AMN1: variants seen among roughly 807,000 people sequenced by gnomAD.
AMN1 encodes protein AMN1 homolog.
In AMN1, 20 loss-of-function variants were observed where a neutral mutation model predicts 33.0. The ratio of observed to expected loss-of-function variants is 0.61; its 90% CI spans 0.43 to 0.88. The LOEUF is 0.88. AMN1 is among the 40% of genes least tolerant of loss of function. The probability of loss-of-function intolerance (pLI) is 0.00; values close to 1 mark genes in which losing one functional copy is unlikely to be tolerated. For synonymous variants in AMN1, 114 were observed against 111.9 expected (o/e 1.02, Z -0.12); for missense variants, 246 against 307.4 (o/e 0.80, Z 1.49).
chr12:31,717,664 C>G (rs1312350422), intron 1 of AMN1, among the ~76,000 whole-genome samples: 2 of 152,072 alleles, frequency 1.3e-5, no homozygotes, highest in Admixed American at 6.6e-5. Flanking sequence ...GAGGCAGTAT[C>G]AGAAACTGGG....
At position 31,709,319 on chromosome 12, in the gene AMN1, G is replaced by C. The variant is rs749400512; in HGVS notation, c.145C>G (p.Gln49Glu). 6.2e-7 allele frequency: 1 copy of C among 1,613,472 alleles called. No homozygotes were observed. Among genetic ancestry groups the C allele is most frequent in the Non-Finnish European group, 8.5e-7 (1 of 1,179,676 alleles). The change falls in exon 2 of 7, where the codon CAG (glutamine) becomes GAG (glutamate). Residue 49 changes from glutamine to glutamate, a missense_variant. Gln to Glu is a conservative substitution (Grantham distance 29). Coordinates refer to ENST00000281471, the MANE Select transcript of AMN1 (RefSeq NM_001113402.2). ...TCACTTATATTTGAATCTGTTATCT[G>C]TCCCTGCATACTCATTATTTTAATC... ...RLIKIMSMQG[Q>E]ITDSNISEIL...
At chr12:31,717,879 A>G (rs11051546) in intron 1 of AMN1, among the ~76,000 whole-genome samples, 6,147 of 150,420 alleles carry the variant, frequency 0.041, 395 homozygotes, top group East Asian at 0.28. Context: ...CTTGTCCCCA[A>G]CCCCCCGACA....
intron 6 of AMN1, among the ~76,000 whole-genome samples, chr12:31,676,557 C>CAA (rs1937713946): frequency 6.7e-6 from 1 of 150,046 alleles, no homozygotes; most frequent in Admixed American, 6.6e-5. Context: ...CTCCTGACCT[C>CAA]GTGATCTGCC....
chr12:31,719,642 C>G (rs934054862), intron 1 of AMN1, among the ~76,000 whole-genome samples: 5 of 152,034 alleles, frequency 3.3e-5, no homozygotes, highest in Admixed American at 2.0e-4. Context: ...AACTCTCAAA[C>G]ATTGAGAGTA....
chr12:31,689,897 C>T (rs1938429486), intron 5 of AMN1, among the ~76,000 whole-genome samples: 1 of 152,108 alleles, frequency 6.6e-6, no homozygotes, highest in Admixed American at 6.6e-5. Context: ...TAGTCTTTTA[C>T]CCCTCACCTC....
intron 1 of AMN1, among the ~76,000 whole-genome samples, chr12:31,710,706 G>A (rs1174242748): frequency 6.6e-6 from 1 of 152,066 alleles, no homozygotes. Flanking sequence ...ATCCGACACA[G>A]TACTGATTCT....
rs564045735 is a variant in AMN1, at chr12:31,684,098, G to A, written c.703+4909C>T. On this transcript the variant is annotated intron_variant, in intron 6 of 6. Transcript: ENST00000281471. ...ATAACTCAGAGAACCAATATTTTCC[G>A]AACTGCCAATGCATGATGTTACAAA... Among the ~76,000 whole-genome samples the A allele has an allele frequency of 5.9e-5, 9 of 152,182 alleles. No homozygotes were observed. The South Asian group carries it at 8.3e-4, about 14-fold the overall frequency.
intron 1 of AMN1, chr12:31,719,499 T>C (rs1057361221): frequency 5.1e-5 from 9 of 176,438 alleles, no homozygotes; most frequent in Non-Finnish European, 7.8e-5. Context: ...TTATTTGTAT[T>C]GCTCACTGTA....
chr12:31,680,576 T>C (rs533388298), intron 6 of AMN1, among the ~76,000 whole-genome samples: 9 of 152,350 alleles, frequency 5.9e-5, no homozygotes, highest in African/African-American at 2.2e-4. Context: ...AGAGTACTTC[T>C]AACAGTTTCA....
chr12:31,721,359 G>GACAGCA (rs1939872132), intron 1 of AMN1, among the ~76,000 whole-genome samples: 1 of 152,126 alleles, frequency 6.6e-6, no homozygotes, highest in Non-Finnish European at 1.5e-5. Flanking sequence ...TACAGGAGTG[G>GACAGCA]ACAGCAAGAG....
chr12:31,688,602 G>GC (rs1301229463), intron 6 of AMN1, among the ~76,000 whole-genome samples: 1 of 148,274 alleles, frequency 6.7e-6, no homozygotes, highest in East Asian at 2.1e-4. Flanking sequence ...GAGCTCAGGA[G>GC]TTAGAGACCA....
At chr12:31,699,475 A>C (rs1015700871) in intron 3 of AMN1, among the ~76,000 whole-genome samples, 2 of 151,780 alleles carry the variant, frequency 1.3e-5, no homozygotes, top group African/African-American at 4.8e-5. Context: ...AACCTCTTGA[A>C]CAAGAAGACT....
At chr12:31,685,824 A>G (rs930891939) in intron 6 of AMN1, among the ~76,000 whole-genome samples, 1 of 148,772 alleles carries the variant, frequency 6.7e-6, no homozygotes, top group African/African-American at 2.6e-5. Flanking sequence ...AGAAAGAAAG[A>G]AAAAAGGAAT....
At position 31,709,398 on chromosome 12, in the gene AMN1, A is replaced by G. The variant is rs1327174241; in HGVS notation, c.66T>C (p.Ile22=). ...DLCLWCFMKN[I]SRYLTDIKPL... ...GCTTAATGTCTGTGAGATATCTGGA[A>G]ATATTCTTCATGAAGCACCAAAGGC... The change falls in exon 2 of 7, where the codon ATT becomes ATC. Residue 22 remains isoleucine (I), a synonymous_variant. Coordinates refer to ENST00000281471, the MANE Select transcript of AMN1 (RefSeq NM_001113402.2). 6.2e-7 allele frequency: 1 copy of G among 1,613,648 alleles called. No homozygotes were observed. Among genetic ancestry groups the G allele is most frequent in the Admixed American group, 1.7e-5 (1 of 59,980 alleles).
chr12:31,688,205 T>C (rs1015906275), intron 6 of AMN1, among the ~76,000 whole-genome samples: 1 of 152,178 alleles, frequency 6.6e-6, no homozygotes, highest in African/African-American at 2.4e-5. Context: ...CCACCCGCCT[T>C]GGCCTCCCAA....
chr12:31,704,402 T>C (rs1939133613), intron 2 of AMN1, among the ~76,000 whole-genome samples: 1 of 152,150 alleles, frequency 6.6e-6, no homozygotes, highest in Admixed American at 6.5e-5. Context: ...TTTTTTCTTA[T>C]TGGCTTGGAG....
chr12:31,694,987 A>G (rs1461999420), intron 5 of AMN1, among the ~76,000 whole-genome samples: 1 of 152,164 alleles, frequency 6.6e-6, no homozygotes, highest in Admixed American at 6.6e-5. Flanking sequence ...TATTCACCCT[A>G]CTTTGTTTAA....
intron 5 of AMN1, 57 bp from the exon 6 acceptor site, chr12:31,689,175 A>G: frequency 8.4e-7 from 1 of 1,190,070 alleles, no homozygotes. Flanking sequence ...TAATAACAGT[A>G]TGAACAATTT....
chr12:31,716,123 T>C (rs1939665925), intron 1 of AMN1, among the ~76,000 whole-genome samples: 1 of 152,228 alleles, frequency 6.6e-6, no homozygotes, highest in Admixed American at 6.5e-5. Flanking sequence ...CCATGGTTTC[T>C]TTTGCTCAAC....
Sources: gnomAD v4.1 joint callset for allele counts (sites outside exome capture counted in the v4.1 genomes callset) on GRCh38, gnomAD v4.1.1 for gene constraint, MANE v1.5 for transcripts, NCBI Gene and HGNC (gene_info 2026-07-23, HGNC 2026-07-21) for gene names.